Variants in NCK1 observed in about 807,000 individuals in gnomAD.
The protein encoded by NCK1 is SH2/SH3 adapter protein NCK1.
NCK1 carries 19 observed loss-of-function variants against 36.6 expected under a neutral mutation model. That is an observed-to-expected ratio of 0.52 (90% confidence interval 0.36 to 0.76). NCK1 has a LOEUF of 0.76. Among genes scored for constraint, NCK1 ranks in the 30% least tolerant of loss-of-function variants. The pLI is 0.00. For missense variants in NCK1, 358 were observed against 445.6 expected, an observed-to-expected ratio of 0.80 and a Z score of 1.77; for synonymous variants, 165 against 156.0, an observed-to-expected ratio of 1.06 and a Z score of -0.43.
chr3:136,908,810 T>C (rs1939757899), intron 1 of NCK1, among the ~76,000 whole-genome samples: 1 of 152,214 alleles, frequency 6.6e-6, no homozygotes, highest in African/African-American at 2.4e-5. Context: ...TATAAGACCA[T>C]TACAAGAGAA....
intron 1 of NCK1, among the ~76,000 whole-genome samples, chr3:136,910,328 T>A (rs995699778): frequency 6.6e-6 from 1 of 152,208 alleles, no homozygotes; most frequent in Non-Finnish European, 1.5e-5. Context: ...TAACTTCCTG[T>A]ACAGCTCCAT....
At chr3:136,904,770 A>G (rs1939638564) in intron 1 of NCK1, among the ~76,000 whole-genome samples, 1 of 151,188 alleles carries the variant, frequency 6.6e-6, no homozygotes. Context: ...TCTTCTCCTG[A>G]GACACTGAAA....
intron 1 of NCK1, among the ~76,000 whole-genome samples, chr3:136,905,394 A>T (rs1339861050): frequency 1.3e-5 from 2 of 149,900 alleles, no homozygotes; most frequent in African/African-American, 2.4e-5. Context: ...GTTTTTCTGA[A>T]TTTTTTGTAT....
chr3:136,919,686 A>C (rs982175349), intron 1 of NCK1, among the ~76,000 whole-genome samples: 1 of 152,160 alleles, frequency 6.6e-6, no homozygotes, highest in Non-Finnish European at 1.5e-5. Context: ...TAATGACACA[A>C]AGTTTGTCAA....
At chr3:136,873,206 C>G (rs1938676834) in intron 1 of NCK1, among the ~76,000 whole-genome samples, 1 of 152,188 alleles carries the variant, frequency 6.6e-6, no homozygotes, top group African/African-American at 2.4e-5. Context: ...ACCACAGAGT[C>G]AGAGGTGCCC....
intron 1 of NCK1, among the ~76,000 whole-genome samples, chr3:136,864,942 A>G (rs560218585): frequency 2.4e-4 from 30 of 127,156 alleles, no homozygotes; most frequent in Admixed American, 1.5e-3. Context: ...GTATATATAT[A>G]TATTTTTCTT....
chr3:136,912,492 C>CTTTTTTTT (rs75755018), intron 1 of NCK1, among the ~76,000 whole-genome samples: 1 of 145,592 alleles, frequency 6.9e-6, no homozygotes, highest in Non-Finnish European at 1.5e-5. Flanking sequence ...TTTCTTCAGT[C>CTTTTTTTT]TTTTTTTTTT....
At chr3:136,869,862 T>G (rs768651316) in intron 1 of NCK1, among the ~76,000 whole-genome samples, 6 of 152,144 alleles carry the variant, frequency 3.9e-5, no homozygotes, top group Non-Finnish European at 8.8e-5. Flanking sequence ...AAAAACCTGT[T>G]AAAACACTGA....
intron 2 of NCK1, among the ~76,000 whole-genome samples, chr3:136,934,109 C>A (rs1489677365): frequency 6.6e-6 from 1 of 152,076 alleles, no homozygotes; most frequent in Admixed American, 6.5e-5. Context: ...AAGTGCTTTA[C>A]ACATAGACTT....
intron 2 of NCK1, among the ~76,000 whole-genome samples, chr3:136,944,111 C>CTTTTTTTTTT (rs1560055771): frequency 0.025 from 1,990 of 80,836 alleles, 287 homozygotes; most frequent in African/African-American, 0.035. Flanking sequence ...GGAAAAACAA[C>CTTTTTTTTTT]CTTTTTTTTT....
intron 1 of NCK1, among the ~76,000 whole-genome samples, chr3:136,924,576 G>A (rs1940192132): frequency 6.6e-6 from 1 of 152,178 alleles, no homozygotes. Context: ...AAGTGTTGCA[G>A]GAGTTCTTAA....
intron 1 of NCK1, among the ~76,000 whole-genome samples, chr3:136,890,914 TCAC>T (rs1217601026): frequency 6.6e-6 from 1 of 152,192 alleles, no homozygotes; most frequent in African/African-American, 2.4e-5. Flanking sequence ...CCTCTGGCAA[TCAC>T]CATTCTACTT....
At chr3:136,890,463 G>T (rs1939211747) in intron 1 of NCK1, among the ~76,000 whole-genome samples, 1 of 152,218 alleles carries the variant, frequency 6.6e-6, no homozygotes, top group Non-Finnish European at 1.5e-5. Flanking sequence ...GCAGTGGTGG[G>T]CTGAAGGGCT....
At chr3:136,883,058 A>G (rs1035402080) in intron 1 of NCK1, among the ~76,000 whole-genome samples, 4 of 152,172 alleles carry the variant, frequency 2.6e-5, no homozygotes, top group Non-Finnish European at 4.4e-5. Flanking sequence ...AGCTGGGATT[A>G]CAGGCATGCG....
intron 1 of NCK1, among the ~76,000 whole-genome samples, chr3:136,871,031 G>C (rs906339192): frequency 1.3e-5 from 2 of 151,984 alleles, no homozygotes; most frequent in Non-Finnish European, 2.9e-5. Flanking sequence ...TGTGTATAAG[G>C]CTTTACATTT....
intron 1 of NCK1, chr3:136,867,284 C>G (rs890635732): frequency 2.0e-5 from 3 of 148,012 alleles, no homozygotes; most frequent in Non-Finnish European, 4.5e-5. Context: ...TTTCTTCTTT[C>G]TTTTTTGACA....
intron 1 of NCK1, among the ~76,000 whole-genome samples, chr3:136,880,269 A>C (rs925799535): frequency 2.0e-5 from 3 of 151,814 alleles, no homozygotes; most frequent in Admixed American, 6.6e-5. Context: ...GGGGTGACAG[A>C]GCGAGACTCC....
chr3:136,925,505 ATACT>A (rs1406092722), intron 1 of NCK1, among the ~76,000 whole-genome samples: 1 of 152,132 alleles, frequency 6.6e-6, no homozygotes, highest in Non-Finnish European at 1.5e-5. Flanking sequence ...TTTTATAGTC[ATACT>A]TACTTCCCTC....
Position 136,951,187 on chromosome 3 carries a change from T to C in NCK1, c.*2734T>C, listed in dbSNP as rs1359117558. On this transcript the variant is annotated 3_prime_UTR_variant, in exon 4 of 4. Coordinates refer to ENST00000481752, the MANE Select transcript of NCK1 (RefSeq NM_001291999.2). ...GCACTTAAATTATCTCCAGCTGTAA[T>C]GTCCTACCATATAATCCAGAGGTTG... Among the ~76,000 whole-genome samples the C allele has an allele frequency of 6.6e-6, 1 of 152,204 alleles. No individual in the cohort carries two copies. Among genetic ancestry groups the C allele is most frequent in the Non-Finnish European group, 1.5e-5 (1 of 68,030 alleles).
Sources: gnomAD v4.1 joint callset for allele counts (sites outside exome capture counted in the v4.1 genomes callset) on GRCh38, gnomAD v4.1.1 for gene constraint, MANE v1.5 for transcripts, NCBI Gene and HGNC (gene_info 2026-07-23, HGNC 2026-07-21) for gene names.